SYTL2: variants seen among roughly 807,000 people sequenced by gnomAD.
The protein encoded by SYTL2 is synaptotagmin-like protein 2.
SYTL2 carries 165 observed loss-of-function variants against 198.7 expected under a neutral mutation model. The ratio of observed to expected loss-of-function variants is 0.83; its 90% CI spans 0.73 to 0.94. The LOEUF (loss-of-function observed/expected upper bound fraction) is 0.94. SYTL2 is among the 40% of genes least tolerant of loss of function. The pLI is 0.00. For synonymous variants in SYTL2, 966 were observed against 917.7 expected (o/e 1.05, Z -0.95); for missense variants, 2,835 against 2,582.8 (o/e 1.10, Z -2.12).
At chr11:85,834,151 A>C in the SYTL2 span, among the ~76,000 whole-genome samples, 1 of 152,190 alleles carries the variant, frequency 6.6e-6, no homozygotes, top group South Asian at 2.1e-4. Context: ...AAAATATAGA[A>C]TCAGAACTAC....
intron 1 of SYTL2, among the ~76,000 whole-genome samples, chr11:85,769,690 G>A (rs1047732306): frequency 2.0e-5 from 3 of 152,186 alleles, no homozygotes; most frequent in African/African-American, 4.8e-5. Context: ...CAACAGGGAT[G>A]GCACCCAGTT....
rs374733068 is a variant in SYTL2, at chr11:85,726,480, T to C, written c.2878A>G (p.Lys960Glu). ...ATTCTTTCTTTTAGGGACATAACTT[T>C]AAAGTTGGCATTTGATTCACGAACT... ...PLVRESNANF[K>E]VMSLKERMDE... The change falls in exon 8 of 20, where the codon AAA becomes GAA. Residue 960 changes from lysine (K) to glutamate (E), a missense_variant. This residue lies in a region of SYTL2 where 2,645 missense variants were observed against 2,381.7 expected (regional missense o/e 1.11). Coordinates refer to ENST00000359152, the MANE Select transcript of SYTL2 (RefSeq NM_206927.4). 1.2e-6 allele frequency: 2 copies of C among 1,611,156 alleles called. No individual in the cohort carries two copies. The highest frequency in any genetic ancestry group is 2.2e-5 in the East Asian group (1 of 44,890).
chr11:85,832,794 C>T, the SYTL2 span, among the ~76,000 whole-genome samples: 1 of 151,250 alleles, frequency 6.6e-6, no homozygotes, highest in Non-Finnish European at 1.5e-5. Flanking sequence ...GAGTTCAAGA[C>T]CAGCCTGGGC....
chr11:85,804,459 T>G (rs754520602), intron 1 of SYTL2, among the ~76,000 whole-genome samples: 9 of 152,226 alleles, frequency 5.9e-5, no homozygotes, highest in Non-Finnish European at 1.0e-4. Flanking sequence ...TTGTTCTTAT[T>G]GGCTGTGTCA....
chr11:85,711,156 A>G lies in SYTL2; in HGVS notation c.5702T>C (p.Leu1901Ser), dbSNP rs115003743. 2.8e-5 allele frequency: 45 copies of G among 1,614,094 alleles called. 1 individual carries two copies. The African/African-American group carries it at 5.5e-4, about 20-fold the overall frequency. ...GCCAGAGGAGCTGCTAAGATTGGTT[A>G]AAGAGCTCGGGCTCTTCTTGTGTCT... ...LSRHKKSPSS[L>S]TNLSSSSGMT... The change falls in exon 13 of 20, where the codon TTA becomes TCA. Residue 1901 changes from leucine to serine, a missense_variant. This residue lies in a region of SYTL2 where 2,645 missense variants were observed against 2,381.7 expected (regional missense o/e 1.11). Transcript: ENST00000359152.
intron 14 of SYTL2, among the ~76,000 whole-genome samples, chr11:85,709,117 C>T (rs1315621631): frequency 5.3e-5 from 8 of 152,118 alleles, no homozygotes; most frequent in Non-Finnish European, 8.8e-5. Flanking sequence ...GGATTACAGG[C>T]GTGAGCCACC....
chr11:85,705,035 T>G lies in SYTL2; in HGVS notation c.6019-7A>C. 1 of 1,597,530 alleles carries G rather than the reference T, an allele frequency of 6.3e-7. No homozygotes were observed. Among genetic ancestry groups the G allele is most frequent in the Non-Finnish European group, 8.6e-7 (1 of 1,167,102 alleles). On this transcript the variant is annotated splice_region_variant and splice_polypyrimidine_tract_variant and intron_variant, in intron 15 of 19. Coordinates refer to ENST00000359152, the MANE Select transcript of SYTL2 (RefSeq NM_206927.4). Reference sequence around the variant, plus strand: ...TTTGTTTTTCAATTTTATACTGAAGTTCAAAGAAGAAAATTAAATGATGAA... The same window carrying G: ...TTTGTTTTTCAATTTTATACTGAAGGTCAAAGAAGAAAATTAAATGATGAA...
intron 1 of SYTL2, among the ~76,000 whole-genome samples, chr11:85,794,034 T>A (rs915726889): frequency 3.3e-5 from 5 of 152,034 alleles, no homozygotes; most frequent in Admixed American, 3.3e-4. Flanking sequence ...AAAGAGCAGA[T>A]TCAGTTTTTT....
chr11:85,792,518 G>A (rs1380866966), intron 1 of SYTL2, among the ~76,000 whole-genome samples: 4 of 151,678 alleles, frequency 2.6e-5, no homozygotes, highest in African/African-American at 9.7e-5. Flanking sequence ...AGCACTCCTT[G>A]GAAACAATAA....
At chr11:85,706,586 G>T (rs1017781201) in intron 15 of SYTL2, among the ~76,000 whole-genome samples, 1 of 152,294 alleles carries the variant, frequency 6.6e-6, no homozygotes, top group South Asian at 2.1e-4. Flanking sequence ...GAAATTCACA[G>T]AATTGTGAGA....
At chr11:85,760,038 C>T (rs767153432) in intron 1 of SYTL2, among the ~76,000 whole-genome samples, 2 of 152,200 alleles carry the variant, frequency 1.3e-5, no homozygotes, top group Non-Finnish European at 2.9e-5. Context: ...CTGTGACTCG[C>T]TTTGGCCAAT....
At chr11:85,711,477 T>C (rs1353560018) in intron 12 of SYTL2, among the ~76,000 whole-genome samples, 1 of 152,218 alleles carries the variant, frequency 6.6e-6, no homozygotes, top group East Asian at 1.9e-4. Context: ...ACCTACAAAG[T>C]AGTCTTTCCC....
At chr11:85,723,317 T>C (rs2088632633) in intron 8 of SYTL2, among the ~76,000 whole-genome samples, 1 of 152,174 alleles carries the variant, frequency 6.6e-6, no homozygotes, top group African/African-American at 2.4e-5. Flanking sequence ...TTAGGTGGCA[T>C]CAGGTGAGTC....
intron 1 of SYTL2, among the ~76,000 whole-genome samples, chr11:85,790,787 C>A (rs2092716935): frequency 6.6e-6 from 1 of 152,142 alleles, no homozygotes; most frequent in Non-Finnish European, 1.5e-5. Context: ...AAACATAGGA[C>A]CTGGAAACCA....
At chr11:85,812,764 A>C (rs1377975930), upstream of SYTL2, among the ~76,000 whole-genome samples, 2 of 152,176 alleles carry the variant, frequency 1.3e-5, no homozygotes, top group Non-Finnish European at 2.9e-5. Context: ...GATGAAGCTA[A>C]GGAGGTAGGT....
the SYTL2 span, among the ~76,000 whole-genome samples, chr11:85,834,256 C>T: frequency 9.9e-5 from 15 of 152,152 alleles, no homozygotes; most frequent in African/African-American, 3.4e-4. Flanking sequence ...ATATATGTAG[C>T]TAGATAAATA....
At chr11:85,775,479 C>CATTT (rs532664582) in intron 1 of SYTL2, among the ~76,000 whole-genome samples, 224 of 152,070 alleles carry the variant, frequency 1.5e-3, no homozygotes, top group African/African-American at 4.8e-3. Flanking sequence ...CATAATCCCC[C>CATTT]ATTTATTTAT....
chr11:85,748,548 C>T, intron 2 of SYTL2, 125 bp from the exon 3 acceptor site: 1 of 1,026,312 alleles, frequency 9.7e-7, no homozygotes, highest in Non-Finnish European at 1.4e-6. Flanking sequence ...TCAGATGATC[C>T]CAGAAACTTC....
At chr11:85,709,554 C>T (rs1195677519) in intron 13 of SYTL2, 54 bp from the exon 14 acceptor site, 3 of 1,534,354 alleles carry the variant, frequency 2.0e-6, no homozygotes, top group Non-Finnish European at 2.7e-6. Flanking sequence ...TTAAACCTAG[C>T]ACAAGGATCA....
Sources: allele counts gnomAD v4.1 joint callset (sites outside exome capture counted in the v4.1 genomes callset), GRCh38; gene constraint gnomAD v4.1.1; regional missense constraint gnomAD v4.1.1; transcripts MANE v1.5; gene names NCBI Gene and HGNC (gene_info 2026-07-23, HGNC 2026-07-21).